Variants in CWC27 observed in about 807,000 individuals in gnomAD.
CWC27 encodes the protein spliceosome-associated protein CWC27 homolog.
Under a neutral mutation model 63.6 loss-of-function variants are expected in CWC27, and 47 were observed. The observed-to-expected ratio is 0.74, with a 90% CI of 0.58 to 0.94. The LOEUF is 0.94. Among genes scored for constraint, CWC27 ranks in the 40% least tolerant of loss-of-function variants. The probability of loss-of-function intolerance (pLI) is 0.00; values close to 1 mark genes in which losing one functional copy is unlikely to be tolerated. For missense variants in CWC27, 495 were observed against 554.3 expected (o/e 0.89, Z 1.07); for synonymous variants, 175 against 179.8 (o/e 0.97, Z 0.22).
At chr5:64,828,887 A>C (rs774417838) in intron 10 of CWC27, among the ~76,000 whole-genome samples, 58 of 152,082 alleles carry the variant, frequency 3.8e-4, no homozygotes, top group Non-Finnish European at 1.0e-4. Flanking sequence ...TAAAATAGTT[A>C]ATCAAAAGAG....
intron 11 of CWC27, among the ~76,000 whole-genome samples, chr5:64,942,438 TAAAAAAAA>T (rs35936421): frequency 2.1e-5 from 2 of 96,552 alleles, no homozygotes; most frequent in African/African-American, 4.3e-5. Flanking sequence ...CCTATCTCTT[TAAAAAAAA>T]AAAAAAAAAA....
At position 64,940,972 on chromosome 5, in the gene CWC27, A is replaced by G. The variant is rs556650104; in HGVS notation, c.1043-30731A>G. Among the ~76,000 whole-genome samples the G allele has an allele frequency of 1.4e-3, 210 of 149,194 alleles. 1 individual carries two copies. Among genetic ancestry groups the G allele is most frequent in the Non-Finnish European group, 2.1e-3 (142 of 67,514 alleles). ...AGCGATTCTCCTGCCTCAGCCTCCCAAGTAGCTGGGACTACAGGCATGTGC... is the reference window on the plus strand; with the variant it reads ...AGCGATTCTCCTGCCTCAGCCTCCCGAGTAGCTGGGACTACAGGCATGTGC... On this transcript the variant is annotated intron_variant, in intron 11 of 13. Transcript: ENST00000381070.
chr5:64,976,532 T>TTTTA (rs950088889), intron 12 of CWC27, among the ~76,000 whole-genome samples: 6 of 152,014 alleles, frequency 3.9e-5, no homozygotes, highest in South Asian at 2.1e-4. Flanking sequence ...TTTTATTTTA[T>TTTTA]TTTATTTATT....
intron 11 of CWC27, among the ~76,000 whole-genome samples, chr5:64,894,515 C>G (rs1580709662): frequency 6.6e-6 from 1 of 152,208 alleles, no homozygotes; most frequent in East Asian, 1.9e-4. Context: ...CATAAATCTA[C>G]ACCTTTTTAA....
chr5:64,884,834 G>A (rs1336137346), intron 10 of CWC27, among the ~76,000 whole-genome samples: 1 of 152,146 alleles, frequency 6.6e-6, no homozygotes, highest in East Asian at 1.9e-4. Context: ...TTCTAAGTTT[G>A]TCTTTAACAC....
intron 11 of CWC27, among the ~76,000 whole-genome samples, chr5:64,914,901 C>T (rs935832968): frequency 1.3e-5 from 2 of 151,994 alleles, no homozygotes; most frequent in African/African-American, 4.8e-5. Context: ...CAGTGGGATA[C>T]TATATACAAG....
At chr5:64,984,315 C>T (rs1377933909) in intron 13 of CWC27, among the ~76,000 whole-genome samples, 1 of 152,162 alleles carries the variant, frequency 6.6e-6, no homozygotes, top group Non-Finnish European at 1.5e-5. Context: ...TTTTGGTCCT[C>T]ATAGTACCGT....
At chr5:64,888,915 C>T (rs1330189704) in intron 11 of CWC27, among the ~76,000 whole-genome samples, 1 of 152,036 alleles carries the variant, frequency 6.6e-6, no homozygotes, top group East Asian at 1.9e-4. Flanking sequence ...ACCATTTTAA[C>T]CAAGGGATCG....
chr5:64,863,432 C>T (rs1038278164), intron 10 of CWC27, among the ~76,000 whole-genome samples: 1 of 151,924 alleles, frequency 6.6e-6, no homozygotes, highest in Non-Finnish European at 1.5e-5. Context: ...GCCCTCCCCA[C>T]CTTTCCTCTC....
At chr5:64,824,149 C>T (rs1307646676) in intron 10 of CWC27, among the ~76,000 whole-genome samples, 2 of 152,058 alleles carry the variant, frequency 1.3e-5, no homozygotes, top group East Asian at 3.8e-4. Context: ...ACATTTATTG[C>T]TTAGGAAAAC....
rs374511435 is a variant in CWC27, at chr5:64,958,993, G to C, written c.1043-12710G>C. On this transcript the variant is annotated intron_variant, in intron 11 of 13. Coordinates refer to ENST00000381070, the MANE Select transcript of CWC27 (RefSeq NM_005869.4). The stretch of plus-strand genomic sequence containing the variant: ...TAGGAGGCTTATTGACCACCAGATG[G>C]AGCCAGTATTGTTCAATTTGTAGCA... Among the ~76,000 whole-genome samples the C allele has an allele frequency of 3.9e-5, 6 of 152,176 alleles. No homozygotes were observed. In the East Asian group the frequency reaches 7.7e-4, roughly 20 times the overall value.
intron 12 of CWC27, among the ~76,000 whole-genome samples, chr5:64,973,389 T>C (rs969475235): frequency 2.0e-5 from 3 of 152,204 alleles, no homozygotes; most frequent in Admixed American, 2.0e-4. Flanking sequence ...GGGAGACTCT[T>C]GTGTTAGATA....
intron 1 of CWC27, 126 bp from the exon 2 acceptor site, chr5:64,774,565 C>G: frequency 2.0e-6 from 1 of 506,664 alleles, no homozygotes; most frequent in Non-Finnish European, 3.3e-6. Flanking sequence ...CAACAAAAGC[C>G]AAACACAATT....
chr5:64,846,950 C>T (rs1266475915), intron 10 of CWC27, among the ~76,000 whole-genome samples: 2 of 138,800 alleles, frequency 1.4e-5, no homozygotes, highest in Non-Finnish European at 3.0e-5. Context: ...GCCAGGATCA[C>T]ACCACTGCAC....
intron 7 of CWC27, among the ~76,000 whole-genome samples, chr5:64,789,988 T>C (rs765196464): frequency 8.5e-5 from 13 of 152,160 alleles, no homozygotes; most frequent in South Asian, 6.2e-4. Flanking sequence ...GTTCCCTTAT[T>C]AGTGAGCACG....
chr5:64,861,347 T>A (rs1295628711), intron 10 of CWC27, among the ~76,000 whole-genome samples: 1 of 152,036 alleles, frequency 6.6e-6, no homozygotes, highest in Non-Finnish European at 1.5e-5. Flanking sequence ...TATATATATA[T>A]AAAACCAATC....
intron 10 of CWC27, among the ~76,000 whole-genome samples, chr5:64,850,614 G>A (rs1279035998): frequency 6.6e-6 from 1 of 152,122 alleles, no homozygotes; most frequent in Non-Finnish European, 1.5e-5. Flanking sequence ...AATTAACAGT[G>A]TGCAGAGTCA....
At chr5:64,832,184 T>C (rs1489129848) in intron 10 of CWC27, among the ~76,000 whole-genome samples, 2 of 151,934 alleles carry the variant, frequency 1.3e-5, no homozygotes, top group Admixed American at 1.3e-4. Context: ...TTTGTAATAT[T>C]GTGCATTAGT....
At chr5:64,808,113 A>T (rs952871425) in intron 10 of CWC27, 21 of 1,118,518 alleles carry the variant, frequency 1.9e-5, no homozygotes, top group Non-Finnish European at 2.3e-5. Flanking sequence ...AAGCAGTAGC[A>T]TTAGTATCAC....
Sources: gnomAD v4.1 joint callset for allele counts (sites outside exome capture counted in the v4.1 genomes callset) on GRCh38, gnomAD v4.1.1 for gene constraint, MANE v1.5 for transcripts, NCBI Gene and HGNC (gene_info 2026-07-23, HGNC 2026-07-21) for gene names.